CELF2: variants seen among roughly 807,000 people sequenced by gnomAD.
CELF2 encodes the protein CUG triplet repeat RNA-binding protein 2.
Under a neutral mutation model 62.6 loss-of-function variants are expected in CELF2, and 8 were observed. The observed-to-expected ratio is 0.13, with a 90% CI of 0.07 to 0.23. The LOEUF is 0.23. Ranked by LOEUF, CELF2 falls within the 10% of genes least tolerant of loss-of-function variation. CELF2 has a pLI of 1.00. For synonymous variants in CELF2, 258 were observed against 250.0 expected (o/e 1.03, Z -0.30); for missense variants, 333 against 671.0 (o/e 0.50, Z 5.56).
intron 2 of CELF2, among the ~76,000 whole-genome samples, chr10:11,208,289 A>G (rs1364544678): frequency 6.6e-6 from 1 of 151,932 alleles, no homozygotes; most frequent in Non-Finnish European, 1.5e-5. Flanking sequence ...AGGCACATCC[A>G]CAGGAGAAAA....
At position 11,305,843 on chromosome 10, in the gene CELF2, T is replaced by G. The variant is rs1015038859; in HGVS notation, c.977-8296T>G. On this transcript the variant is annotated intron_variant, in intron 9 of 12. Transcript: ENST00000633077. This position sits in a 1 kb window ranked among gnomAD's most constrained non-coding sequence, Gnocchi z 4.8. ...TCTGGGCAAACAAGCAAAGAACTTCTGTGGCCAGGCCAAGGTGGGCATATC... is the reference window on the plus strand; with the variant it reads ...TCTGGGCAAACAAGCAAAGAACTTCGGTGGCCAGGCCAAGGTGGGCATATC... 6.6e-6 allele frequency among the ~76,000 whole-genome samples: 1 copy of G among 152,240 alleles called. No homozygotes were observed. The highest frequency in any genetic ancestry group is 2.4e-5 in the African/African-American group (1 of 41,464).
At chr10:11,019,106 C>G (rs1223221331) in intron 1 of CELF2, among the ~76,000 whole-genome samples, 2 of 152,108 alleles carry the variant, frequency 1.3e-5, no homozygotes, top group African/African-American at 4.8e-5. Context: ...GAAAGTATGT[C>G]TAATTTTTAG....
chr10:11,209,475 C>A (rs2061256863), intron 2 of CELF2, among the ~76,000 whole-genome samples: 1 of 151,782 alleles, frequency 6.6e-6, no homozygotes, highest in Admixed American at 6.6e-5. Flanking sequence ...CTGAGGCCTC[C>A]TTGTACTTTC....
the CELF2 span, among the ~76,000 whole-genome samples, chr10:10,549,440 C>A: frequency 1.3e-5 from 2 of 152,176 alleles, no homozygotes; most frequent in Non-Finnish European, 2.9e-5. Flanking sequence ...CCCACCACCA[C>A]GCCTGGATAA....
the CELF2 span, among the ~76,000 whole-genome samples, chr10:10,727,715 G>T: frequency 2.6e-5 from 4 of 151,394 alleles, no homozygotes; most frequent in African/African-American, 9.7e-5. Flanking sequence ...GGCGGATGTT[G>T]CAGTGAGCTG....
chr10:10,968,150 A>G (rs2050344783), intron 2 of CELF2, among the ~76,000 whole-genome samples: 1 of 152,200 alleles, frequency 6.6e-6, no homozygotes, highest in East Asian at 1.9e-4. Flanking sequence ...GTTGGCCACC[A>G]GAGTTGATAA....
In CELF2 at chr10:11,290,506, G is replaced by A. The variant is rs1462668477; in HGVS notation, c.976+1954G>A. Among the ~76,000 whole-genome samples the A allele has an allele frequency of 3.4e-5, 5 of 145,922 alleles. No individual in the cohort carries two copies. Among genetic ancestry groups the A allele is most frequent in the Admixed American group, 7.1e-5 (1 of 14,156 alleles). ...CATGCCACTGCACTCCAGCCTGGGC[G>A]ACGAGCGAGACTCCGTCTAAAAAAA... On this transcript the variant is annotated intron_variant, in intron 9 of 12. Transcript: ENST00000633077. This position sits in a 1 kb window ranked among gnomAD's most constrained non-coding sequence, Gnocchi z 4.3.
chr10:11,143,309 C>A (rs1206747960), intron 1 of CELF2, among the ~76,000 whole-genome samples: 2 of 152,180 alleles, frequency 1.3e-5, no homozygotes, highest in Non-Finnish European at 2.9e-5. Context: ...CTTTAATCAT[C>A]ATGATTCTGG....
the CELF2 span, among the ~76,000 whole-genome samples, chr10:10,696,004 G>A: frequency 6.6e-6 from 1 of 151,660 alleles, no homozygotes; most frequent in Non-Finnish European, 1.5e-5. Context: ...TCTTCTCTCA[G>A]CTCGTCAAAG....
At chr10:10,771,572 A>G in the CELF2 span, among the ~76,000 whole-genome samples, 3 of 152,190 alleles carry the variant, frequency 2.0e-5, no homozygotes, top group Non-Finnish European at 2.9e-5. Context: ...TAATTGAATC[A>G]CTGGGGCAGT....
the CELF2 span, among the ~76,000 whole-genome samples, chr10:10,629,888 A>AAAAC: frequency 6.6e-6 from 1 of 150,850 alleles, no homozygotes; most frequent in African/African-American, 2.4e-5. Flanking sequence ...AAAAAAAAAA[A>AAAAC]AAAGCTTGCT....
At chr10:11,113,548 C>G (rs1021051572) in intron 1 of CELF2, among the ~76,000 whole-genome samples, 2 of 152,172 alleles carry the variant, frequency 1.3e-5, no homozygotes, top group Non-Finnish European at 2.9e-5. Flanking sequence ...ATAGGTCTGG[C>G]TGGAGAGAAG....
Position 10,981,038 on chromosome 10 carries a change from G to A in CELF2, c.89+61039G>A, listed in dbSNP as rs76615020. Among the ~76,000 whole-genome samples, 506 of 152,218 alleles carry A rather than the reference G, an allele frequency of 3.3e-3. 5 individuals carry two copies. Among genetic ancestry groups the A allele is most frequent in the South Asian group, 0.013 (61 of 4,816 alleles). ...CAAAATCCTGAACTGCTAGTGCAGGGGTCTATGCATTAGGGGCTCCAGAGA... is the reference window on the plus strand; with the variant it reads ...CAAAATCCTGAACTGCTAGTGCAGGAGTCTATGCATTAGGGGCTCCAGAGA... On this transcript the variant is annotated intron_variant, in intron 2 of 13. Coordinates refer to the CELF2 transcript ENST00000636488.
the CELF2 span, among the ~76,000 whole-genome samples, chr10:10,788,559 T>A: frequency 7.0e-6 from 1 of 143,204 alleles, no homozygotes; most frequent in African/African-American, 2.5e-5. Context: ...ACCTCCCAGA[T>A]TCAAGCGATT....
chr10:10,501,753 G>A, the CELF2 span, among the ~76,000 whole-genome samples: 7 of 151,986 alleles, frequency 4.6e-5, no homozygotes, highest in African/African-American at 1.7e-4. Context: ...ATTCTGATTT[G>A]CATGACTTTA....
At chr10:11,033,143 A>ATAG (rs1593573827) in intron 1 of CELF2, among the ~76,000 whole-genome samples, 1 of 152,236 alleles carries the variant, frequency 6.6e-6, no homozygotes, top group East Asian at 1.9e-4. Flanking sequence ...ATTCTGAGGC[A>ATAG]TAGACATTCC....
In CELF2 at chr10:11,012,789, C is replaced by T. The variant is rs989828994; in HGVS notation, c.53+7349C>T. Among the ~76,000 whole-genome samples the T allele has an allele frequency of 2.0e-5, 3 of 152,072 alleles. No homozygotes were observed. Among genetic ancestry groups the T allele is most frequent in the Non-Finnish European group, 4.4e-5 (3 of 68,008 alleles). ...TGATAAGTGTAAATTTTGTTCCTGCCGCCAGGCTGGCACCAGATAAGGGCA... is the reference window on the plus strand; with the variant it reads ...TGATAAGTGTAAATTTTGTTCCTGCTGCCAGGCTGGCACCAGATAAGGGCA... On this transcript the variant is annotated intron_variant, in intron 1 of 12. Coordinates refer to the CELF2 transcript ENST00000416382. The surrounding 1 kb of genome is among the most constrained non-coding windows in gnomAD (Gnocchi z 5.5).
intron 2 of CELF2, among the ~76,000 whole-genome samples, chr10:10,930,019 C>T (rs936277331): frequency 2.0e-5 from 3 of 152,208 alleles, no homozygotes; most frequent in African/African-American, 4.8e-5. Context: ...GCAGCTCCAT[C>T]GCAAATGTGG....
At chr10:11,154,837 A>T (rs1336735355) in intron 1 of CELF2, among the ~76,000 whole-genome samples, 1 of 152,204 alleles carries the variant, frequency 6.6e-6, no homozygotes, top group African/African-American at 2.4e-5. Flanking sequence ...CATTGCTCCC[A>T]TGTACTCCAC....
Sources: allele counts gnomAD v4.1 joint callset (sites outside exome capture counted in the v4.1 genomes callset), GRCh38; gene constraint gnomAD v4.1.1; non-coding constraint Gnocchi (gnomAD v3.1); transcripts MANE v1.5; gene names NCBI Gene and HGNC (gene_info 2026-07-23, HGNC 2026-07-21).